Variants in TRAPPC10 observed in about 807,000 individuals in gnomAD.
The protein encoded by TRAPPC10 is trafficking protein particle complex subunit 10, also known as TRAPP 130 kDa subunit.
Under a neutral mutation model 125.5 loss-of-function variants are expected in TRAPPC10, and 23 were observed. That is an observed-to-expected ratio of 0.18 (90% CI 0.13 to 0.26). The LOEUF (loss-of-function observed/expected upper bound fraction) is 0.26, where lower values mean the gene tolerates loss of function less well. Ranked by LOEUF, TRAPPC10 falls within the 10% of genes least tolerant of loss-of-function variation. TRAPPC10 has a pLI of 1.00. For synonymous variants in TRAPPC10, 509 were observed against 518.0 expected (o/e 0.98, Z 0.24); for missense variants, 1,123 against 1,308.4 (o/e 0.86, Z 2.19).
intron 7 of TRAPPC10, among the ~76,000 whole-genome samples, chr21:44,066,378 G>A (rs184520782): frequency 1.1e-3 from 162 of 152,284 alleles, no homozygotes; most frequent in Admixed American, 2.2e-3. Flanking sequence ...CTAGCCTTGC[G>A]CACTCCCTTA....
At chr21:44,050,363 C>T (rs1041316692) in intron 3 of TRAPPC10, among the ~76,000 whole-genome samples, 5 of 123,518 alleles carry the variant, frequency 4.0e-5, no homozygotes, top group Non-Finnish European at 8.1e-5. Flanking sequence ...AGCCCCTGCC[C>T]GGTGTGGACA....
At chr21:44,064,292 A>C (rs2036266139) in intron 7 of TRAPPC10, among the ~76,000 whole-genome samples, 1 of 151,374 alleles carries the variant, frequency 6.6e-6, no homozygotes, top group African/African-American at 2.4e-5. Context: ...CATGGAAGAT[A>C]TGTCATAAAT....
At chr21:44,047,532 A>ATG (rs33940679) in intron 3 of TRAPPC10, among the ~76,000 whole-genome samples, 14,586 of 142,778 alleles carry the variant, frequency 0.1, 728 homozygotes, top group Non-Finnish European at 0.12. Context: ...CTGGGGGAGT[A>ATG]TGTGTGTGTG....
At chr21:44,062,695 G>T (rs1377308178) in intron 6 of TRAPPC10, 10 of 985,282 alleles carry the variant, frequency 1.0e-5, no homozygotes, top group Non-Finnish European at 1.2e-5. Flanking sequence ...TGCTCCAATA[G>T]CCCTGAGGAT....
intron 1 of TRAPPC10, among the ~76,000 whole-genome samples, chr21:44,031,019 G>T (rs1035512246): frequency 6.6e-6 from 1 of 152,108 alleles, no homozygotes; most frequent in African/African-American, 2.4e-5. Flanking sequence ...ATCTCCCCAG[G>T]TGCAGTCAGC....
rs371328982 is a variant in TRAPPC10 at position 44,080,103 on chromosome 21, G to A, written c.1699G>A (p.Ala567Thr). 10 of 1,614,096 alleles carry A rather than the reference G, an allele frequency of 6.2e-6. No individual in the cohort carries two copies. Among genetic ancestry groups the A allele is most frequent in the African/African-American group, 1.3e-5 (1 of 75,024 alleles). Reference protein sequence around the residue: ...KHFCQEILDFASQPSDSPGHK... With the variant: ...KHFCQEILDFTSQPSDSPGHK... Reference sequence around the variant, plus strand: ...CTTCTGCCAGGAGATACTTGACTTTGCCAGCCAGCCGTCAGACAGCCCAGG... The same window carrying A: ...CTTCTGCCAGGAGATACTTGACTTTACCAGCCAGCCGTCAGACAGCCCAGG... The change falls in exon 13 of 23, where the codon GCC becomes ACC. Residue 567 changes from alanine to threonine, a missense_variant. Coordinates refer to ENST00000291574, the MANE Select transcript of TRAPPC10 (RefSeq NM_003274.5).
At chr21:44,085,082 T>C (rs2038036475) in intron 15 of TRAPPC10, among the ~76,000 whole-genome samples, 1 of 152,164 alleles carries the variant, frequency 6.6e-6, no homozygotes, top group South Asian at 2.1e-4. Flanking sequence ...GATGAGCAAC[T>C]CGACCTTCAG....
chr21:44,049,714 G>A (rs917886759), intron 3 of TRAPPC10, among the ~76,000 whole-genome samples: 4 of 152,112 alleles, frequency 2.6e-5, no homozygotes, highest in African/African-American at 9.7e-5. Context: ...TACCTGGGGC[G>A]GCCTGCTGTG....
rs1569206035 is a variant in TRAPPC10, at chr21:44,080,091, A to T, written c.1687A>T (p.Ile563Leu). 3.1e-6 allele frequency: 5 copies of T among 1,614,190 alleles called. No homozygotes were observed. Among genetic ancestry groups the T allele is most frequent in the Non-Finnish European group, 4.2e-6 (5 of 1,180,038 alleles). Residue 563 changes from isoleucine (I) to leucine (L), a missense_variant, in exon 13 of 23, where the codon ATA becomes TTA. Ile to Leu is a conservative substitution (Grantham distance 5). Coordinates refer to ENST00000291574, the MANE Select transcript of TRAPPC10 (RefSeq NM_003274.5). ...GGAGCGCAAGCACTTCTGCCAGGAG[A>T]TACTTGACTTTGCCAGCCAGCCGTC... The part of the protein sequence containing the change: ...EEERKHFCQE[I>L]LDFASQPSDS...
rs756749999 is a variant in TRAPPC10 at position 44,063,609 on chromosome 21, A to G, written c.862A>G (p.Ile288Val). Residue 288 changes from isoleucine (I) to valine (V), a missense_variant, in exon 7 of 23, where the codon ATA becomes GTA. Transcript: ENST00000291574. The surrounding 1 kb of genome is among the most constrained non-coding windows in gnomAD (Gnocchi z 4.4). ...GAACGGATTGATCCTCCGAAAACCC[A>G]TAGATATGGAGAAGCGGGAATCGAT... ...SWNGLILRKPIDMEKRESIQR... is the reference protein window; with the variant it reads ...SWNGLILRKPVDMEKRESIQR... 1.9e-6 allele frequency: 3 copies of G among 1,614,196 alleles called. No individual in the cohort carries two copies. Among genetic ancestry groups the G allele is most frequent in the Non-Finnish European group, 1.7e-6 (2 of 1,180,040 alleles).
intron 5 of TRAPPC10, among the ~76,000 whole-genome samples, chr21:44,058,676 C>T (rs2035795541): frequency 6.6e-6 from 1 of 152,128 alleles, no homozygotes; most frequent in Non-Finnish European, 1.5e-5. Flanking sequence ...TGGGCTCCGT[C>T]ATGGAGAGGG....
intron 1 of TRAPPC10, among the ~76,000 whole-genome samples, chr21:44,023,753 G>A (rs1421434038): frequency 6.6e-6 from 1 of 152,164 alleles, no homozygotes; most frequent in Non-Finnish European, 1.5e-5. Context: ...GAATAGCTAG[G>A]CATTTTTGTT....
At chr21:44,035,834 A>G (rs1211560879) in intron 2 of TRAPPC10, among the ~76,000 whole-genome samples, 1 of 152,244 alleles carries the variant, frequency 6.6e-6, no homozygotes, top group Non-Finnish European at 1.5e-5. Context: ...GTAGAAATTT[A>G]AAATTAATTG....
In TRAPPC10 at chr21:44,055,845, G is replaced by A. The variant is rs1277377135; in HGVS notation, c.630G>A (p.Glu210=). 4 of 1,612,678 alleles carry A rather than the reference G, an allele frequency of 2.5e-6. No homozygotes were observed. Among genetic ancestry groups the A allele is most frequent in the Non-Finnish European group, 2.5e-6 (3 of 1,178,834 alleles). Residue 210 remains glutamate, a synonymous_variant, in exon 5 of 23, where the codon GAG becomes GAA. Coordinates refer to ENST00000291574, the MANE Select transcript of TRAPPC10 (RefSeq NM_003274.5). ...KFEDDMRTLR[E]KRTEPGWSFC... is the part of the protein sequence containing the mutation. ...AGGATGACATGAGAACCTTGAGGGA[G>A]AAGAGGACTGAGCCAGGCTGGAGCT...
chr21:44,026,358 C>T (rs186729135), intron 1 of TRAPPC10, among the ~76,000 whole-genome samples: 5 of 152,018 alleles, frequency 3.3e-5, no homozygotes, highest in Admixed American at 2.0e-4. Context: ...ATTACTGCCT[C>T]GACATTATAC....
rs143589273 is a variant in TRAPPC10 at position 44,029,125 on chromosome 21, C to T, written c.68-2966C>T. ...TGTTTGTTTTTTTGAGACGGAGTCTCGCTCTGTCGCCCGGGCTGGAGTGCA... is the reference window on the plus strand; with the variant it reads ...TGTTTGTTTTTTTGAGACGGAGTCTTGCTCTGTCGCCCGGGCTGGAGTGCA... On this transcript the variant is annotated intron_variant, in intron 1 of 22. Transcript: ENST00000291574. Among the ~76,000 whole-genome samples the T allele has an allele frequency of 5.2e-3, 786 of 152,276 alleles. 5 individuals are homozygous for T. Among genetic ancestry groups the T allele is most frequent in the Middle Eastern group, 0.017 (5 of 294 alleles).
At chr21:44,055,336 TC>T (rs1302633633) in intron 4 of TRAPPC10, among the ~76,000 whole-genome samples, 1 of 152,020 alleles carries the variant, frequency 6.6e-6, no homozygotes, top group Non-Finnish European at 1.5e-5. Flanking sequence ...ATGCCTATAA[TC>T]CCAGCACTTT....
chr21:44,087,607 TG>T lies in TRAPPC10; in HGVS notation c.2540-90del. 1 of 1,136,578 alleles carries T rather than the reference TG, an allele frequency of 8.8e-7. No homozygotes were observed. Among genetic ancestry groups the T allele is most frequent in the Non-Finnish European group, 1.3e-6 (1 of 772,562 alleles). 70.4% of individuals were successfully genotyped at this position (1,136,578 alleles called of 1,614,324 possible). ...CGCAGGAGCGGGAGAGGTTGAGCAG[TG>T]GCCTCACTGCTGGGCCATCACCTGC... On this transcript the variant is annotated intron_variant, in intron 16 of 22. Coordinates refer to ENST00000291574, the MANE Select transcript of TRAPPC10 (RefSeq NM_003274.5). The surrounding 1 kb of genome is among the most constrained non-coding windows in gnomAD (Gnocchi z 4.6).
Position 44,056,346 on chromosome 21 carries a change from G to A in TRAPPC10, c.678+453G>A, listed in dbSNP as rs572020899. ...CAGTGCTCCAGCAAGAACTGTTGGA[G>A]GCAGGATTACTGATGGGTGTCCGGG... is the stretch of plus-strand genomic sequence containing the variant. On this transcript the variant is annotated intron_variant, in intron 5 of 22. Transcript: ENST00000291574. 2.0e-5 allele frequency among the ~76,000 whole-genome samples: 3 copies of A among 152,272 alleles called. No individual in the cohort carries two copies. The East Asian group carries it at 5.8e-4, about 29-fold the overall frequency.
Sources: allele counts gnomAD v4.1 joint callset (sites outside exome capture counted in the v4.1 genomes callset), GRCh38; gene constraint gnomAD v4.1.1; non-coding constraint Gnocchi (gnomAD v3.1); transcripts MANE v1.5; gene names NCBI Gene and HGNC (gene_info 2026-07-23, HGNC 2026-07-21).